PLAC1: variants seen among roughly 807,000 people sequenced by gnomAD.
PLAC1 encodes the protein placenta-specific protein 1.
For synonymous variants in PLAC1, 68 were observed against 62.1 expected (o/e 1.09, Z -0.44); for missense variants, 136 against 163.2 (o/e 0.83, Z 0.91).
chrX:134,655,400 C>T (rs1344991681), intron 1 of PLAC1, among the ~76,000 whole-genome samples: 1 of 109,409 alleles, frequency 9.1e-6, no homozygotes, highest in African/African-American at 3.3e-5. Flanking sequence ...TAACACATTC[C>T]CACTAAATTC....
intron 2 of PLAC1, among the ~76,000 whole-genome samples, chrX:134,706,190 A>G (rs1426741290): frequency 8.9e-6 from 1 of 112,740 alleles, no homozygotes; most frequent in Non-Finnish European, 1.9e-5. Context: ...CCCGGCAAAT[A>G]TCTACAGAAA....
chrX:134,693,116 A>G (rs961542348), intron 2 of PLAC1, among the ~76,000 whole-genome samples: 2 of 111,554 alleles, frequency 1.8e-5, no homozygotes, highest in Non-Finnish European at 3.8e-5. Flanking sequence ...CTCCTCCAAC[A>G]GCATATTTTA....
chrX:134,595,278 G>A (rs2078057137), intron 2 of PLAC1, among the ~76,000 whole-genome samples: 1 of 110,672 alleles, frequency 9.0e-6, no homozygotes, highest in African/African-American at 3.3e-5. Flanking sequence ...TTATGGCTCA[G>A]AATATGGTCT....
intron 2 of PLAC1, among the ~76,000 whole-genome samples, chrX:134,588,307 T>C (rs1390414590): frequency 5.0e-5 from 5 of 100,278 alleles, no homozygotes; most frequent in African/African-American, 1.9e-4. Flanking sequence ...TATTTATTTA[T>C]TTATTTATTT....
At chrX:134,584,849 G>A (rs1461534035) in intron 2 of PLAC1, among the ~76,000 whole-genome samples, 1 of 110,465 alleles carries the variant, frequency 9.1e-6, no homozygotes, top group African/African-American at 3.3e-5. Flanking sequence ...CTTGAATCCT[G>A]GATTATTTAT....
In PLAC1 at chrX:134,658,349, G is replaced by A. The variant is rs535069736; in HGVS notation, c.-152C>T. 1.2e-4 allele frequency: 14 copies of A among 112,856 alleles called. No homozygotes were observed. The South Asian group carries it at 2.6e-3, about 21-fold the overall frequency. The allele number at this position is 112,856 out of a possible 1,213,427, so 9.3% of individuals were successfully genotyped here. The stretch of plus-strand genomic sequence containing the variant: ...TTACCTGCCAAATTTCCAAAGGGAA[G>A]AAGGAACTTGCTGTGTCTGTATTTG... On this transcript the variant is annotated 5_prime_UTR_variant, in exon 1 of 3. Coordinates refer to ENST00000359237, the MANE Select transcript of PLAC1 (RefSeq NM_021796.4).
At chrX:134,572,589 C>T (rs987173542) in intron 2 of PLAC1, among the ~76,000 whole-genome samples, 14 of 111,167 alleles carry the variant, frequency 1.3e-4, no homozygotes, top group South Asian at 1.1e-3. Flanking sequence ...TTGACCGAAC[C>T]CTTAAAAAGG....
At chrX:134,759,969 C>T (rs1353557754) in intron 1 of PLAC1, among the ~76,000 whole-genome samples, 2 of 110,841 alleles carry the variant, frequency 1.8e-5, no homozygotes, top group Non-Finnish European at 3.8e-5. Context: ...GGGGTACTTA[C>T]AAATATACAG....
At chrX:134,621,751 A>G (rs2078212282) in intron 1 of PLAC1, among the ~76,000 whole-genome samples, 1 of 112,113 alleles carries the variant, frequency 8.9e-6, no homozygotes, top group South Asian at 3.7e-4. Flanking sequence ...TTTTCCAGCC[A>G]ACAGTCTTAA....
intron 2 of PLAC1, among the ~76,000 whole-genome samples, chrX:134,693,440 T>A (rs1344741227): frequency 1.8e-5 from 2 of 112,485 alleles, no homozygotes; most frequent in Non-Finnish European, 3.8e-5. Flanking sequence ...AGACTAAGCA[T>A]TTTGCAAATA....
At chrX:134,674,847 C>T (rs1195575046) in intron 2 of PLAC1, among the ~76,000 whole-genome samples, 1 of 112,457 alleles carries the variant, frequency 8.9e-6, no homozygotes, top group Non-Finnish European at 1.9e-5. Context: ...CAGATCAGAC[C>T]CAATCTTTCA....
chrX:134,727,736 A>C (rs991612533), intron 2 of PLAC1, among the ~76,000 whole-genome samples: 1 of 112,265 alleles, frequency 8.9e-6, no homozygotes, highest in Non-Finnish European at 1.9e-5. Context: ...TTTCAACAAA[A>C]AATGTATGGG....
At chrX:134,590,671 G>A (rs1342418336) in intron 2 of PLAC1, among the ~76,000 whole-genome samples, 1 of 111,327 alleles carries the variant, frequency 9.0e-6, no homozygotes, top group African/African-American at 3.3e-5. Context: ...GCTGGAGTGT[G>A]ATCTTGGCTC....
chrX:134,677,084 G>C (rs2066688631), intron 2 of PLAC1, among the ~76,000 whole-genome samples: 1 of 112,449 alleles, frequency 8.9e-6, no homozygotes, highest in Non-Finnish European at 1.9e-5. Flanking sequence ...CCCGCCCCAG[G>C]AGATTTTGAT....
chrX:134,743,412 T>A (rs886611351), intron 1 of PLAC1, among the ~76,000 whole-genome samples: 1 of 111,104 alleles, frequency 9.0e-6, no homozygotes, highest in Non-Finnish European at 1.9e-5. Context: ...CACTTTCTGT[T>A]TGGTGCTGTG....
At chrX:134,621,262 A>G (rs1180189286) in intron 1 of PLAC1, among the ~76,000 whole-genome samples, 1 of 109,402 alleles carries the variant, frequency 9.1e-6, no homozygotes, top group Non-Finnish European at 1.9e-5. Context: ...CCTGGCCAAC[A>G]TGGTGAAATC....
intron 2 of PLAC1, among the ~76,000 whole-genome samples, chrX:134,686,957 A>G (rs760151763): frequency 2.7e-5 from 3 of 111,744 alleles, no homozygotes; most frequent in Non-Finnish European, 5.6e-5. Context: ...CTTTCAAGAG[A>G]CTTGCAATCT....
chrX:134,732,419 C>G (rs1482383757), intron 2 of PLAC1, among the ~76,000 whole-genome samples: 1 of 111,708 alleles, frequency 9.0e-6, no homozygotes, highest in Non-Finnish European at 1.9e-5. Flanking sequence ...GTTTTAATCA[C>G]AAGATAAGAA....
At chrX:134,741,325 C>T (rs1323868619) in intron 1 of PLAC1, among the ~76,000 whole-genome samples, 1 of 111,949 alleles carries the variant, frequency 8.9e-6, no homozygotes, top group Non-Finnish European at 1.9e-5. Context: ...ATAGTCTTTC[C>T]CTCCACTGTA....
Sources: gnomAD v4.1 joint callset for allele counts (sites outside exome capture counted in the v4.1 genomes callset) on GRCh38, gnomAD v4.1.1 for gene constraint, MANE v1.5 for transcripts, NCBI Gene and HGNC (gene_info 2026-07-23, HGNC 2026-07-21) for gene names.